Variants in FHOD3 observed in about 807,000 individuals in gnomAD.
FHOD3 encodes the protein FH1/FH2 domain-containing protein 3.
FHOD3 carries 90 observed loss-of-function variants against 173.0 expected under a neutral mutation model. That is an observed-to-expected ratio of 0.52 (90% confidence interval 0.44 to 0.62). FHOD3 has a LOEUF of 0.62. Among genes scored for constraint, FHOD3 ranks in the 20% least tolerant of loss-of-function variants. The pLI, the probability that FHOD3 is intolerant of heterozygous loss-of-function variation, is 0.00. For synonymous variants in FHOD3, 828 were observed against 823.0 expected, an observed-to-expected ratio of 1.01 and a Z score of -0.10; for missense variants, 1,945 against 2,034.7, an observed-to-expected ratio of 0.96 and a Z score of 0.85.
intron 3 of FHOD3, among the ~76,000 whole-genome samples, chr18:36,451,688 C>A (rs370407877): frequency 6.6e-6 from 1 of 152,206 alleles, no homozygotes. Context: ...CAGAGCCCTG[C>A]TCAAGGGCAA....
chr18:36,591,995 G>A (rs2059234385), intron 6 of FHOD3, among the ~76,000 whole-genome samples: 2 of 152,242 alleles, frequency 1.3e-5, no homozygotes, highest in South Asian at 2.1e-4. Flanking sequence ...GAGGCAGGCA[G>A]ATCACCTGAA....
At chr18:36,695,687 A>C (rs923836609) in intron 17 of FHOD3, among the ~76,000 whole-genome samples, 1 of 152,230 alleles carries the variant, frequency 6.6e-6, no homozygotes, top group Non-Finnish European at 1.5e-5. Context: ...TCGCAAGTGT[A>C]TGAAAAGATG....
At chr18:36,503,579 G>A (rs1010340984) in intron 4 of FHOD3, among the ~76,000 whole-genome samples, 1 of 152,238 alleles carries the variant, frequency 6.6e-6, no homozygotes, top group South Asian at 2.1e-4. Context: ...TTTGAACCTG[G>A]TGCACCCTTG....
At chr18:36,353,922 G>C (rs1200077898) in intron 1 of FHOD3, among the ~76,000 whole-genome samples, 1 of 143,710 alleles carries the variant, frequency 7.0e-6, no homozygotes. Flanking sequence ...TTTTTTCTAG[G>C]TTTCAAGGTC....
intron 5 of FHOD3, among the ~76,000 whole-genome samples, chr18:36,549,010 A>G (rs2057529865): frequency 6.6e-6 from 1 of 152,228 alleles, no homozygotes; most frequent in Non-Finnish European, 1.5e-5. Context: ...AACAACTTCC[A>G]AAGGAGTTGT....
chr18:36,644,689 G>A (rs1418104816), intron 10 of FHOD3, among the ~76,000 whole-genome samples: 2 of 152,258 alleles, frequency 1.3e-5, no homozygotes, highest in African/African-American at 4.8e-5. Flanking sequence ...CTGTGAGACA[G>A]CCATTTGGAA....
chr18:36,446,699 C>G (rs546975343), intron 3 of FHOD3, among the ~76,000 whole-genome samples: 1 of 152,300 alleles, frequency 6.6e-6, no homozygotes, highest in South Asian at 2.1e-4. Flanking sequence ...CATACGCAAA[C>G]TTGGCTCGTG....
At chr18:36,539,616 C>T (rs1310105322) in intron 5 of FHOD3, among the ~76,000 whole-genome samples, 2 of 152,094 alleles carry the variant, frequency 1.3e-5, no homozygotes, top group Non-Finnish European at 2.9e-5. Context: ...GACCCAGGCT[C>T]TTGGCCAAGT....
intron 3 of FHOD3, among the ~76,000 whole-genome samples, chr18:36,476,932 AC>A (rs1406227083): frequency 6.6e-6 from 1 of 152,328 alleles, no homozygotes; most frequent in Admixed American, 6.5e-5. Flanking sequence ...AAAAGTACTA[AC>A]CATGAATTGA....
At chr18:36,405,454 C>G (rs2049011122) in intron 3 of FHOD3, among the ~76,000 whole-genome samples, 1 of 152,186 alleles carries the variant, frequency 6.6e-6, no homozygotes, top group Non-Finnish European at 1.5e-5. Context: ...AAGTGTCAGG[C>G]TCGTATGAGC....
At chr18:36,662,187 A>G (rs977771091) in intron 14 of FHOD3, among the ~76,000 whole-genome samples, 1 of 152,222 alleles carries the variant, frequency 6.6e-6, no homozygotes, top group African/African-American at 2.4e-5. Context: ...CTGTAGTGAC[A>G]TCTCCATCTT....
At chr18:36,439,026 T>C (rs2050974605) in intron 3 of FHOD3, among the ~76,000 whole-genome samples, 1 of 152,204 alleles carries the variant, frequency 6.6e-6, no homozygotes, top group African/African-American at 2.4e-5. Context: ...ATTAATCTAC[T>C]AGCATCTCAT....
intron 10 of FHOD3, among the ~76,000 whole-genome samples, chr18:36,631,689 A>G (rs2034525541): frequency 6.6e-6 from 1 of 152,316 alleles, no homozygotes; most frequent in Non-Finnish European, 1.5e-5. Context: ...ACCTTGCCCA[A>G]GGTCCCACAG....
At chr18:36,674,221 T>C (rs908116177) in intron 14 of FHOD3, among the ~76,000 whole-genome samples, 7 of 152,176 alleles carry the variant, frequency 4.6e-5, no homozygotes, top group African/African-American at 1.7e-4. Context: ...TTCACCTGAC[T>C]TACGATGCAC....
chr18:36,514,416 T>G (rs1451881140), intron 5 of FHOD3, among the ~76,000 whole-genome samples: 1 of 152,170 alleles, frequency 6.6e-6, no homozygotes, highest in Non-Finnish European at 1.5e-5. Flanking sequence ...GGATTCTCAC[T>G]CTTGTGTGTC....
rs976617415 is a variant in FHOD3, at chr18:36,429,438, G to A, written c.337+56694G>A. ...TGGAAGGCTCCAGGTACGGGTGGGG[G>A]CATGTGGGACTTTAGTTCTTATGGA... On this transcript the variant is annotated intron_variant, in intron 3 of 28. Transcript: ENST00000590592. Among the ~76,000 whole-genome samples, 3 of 152,172 alleles carry A rather than the reference G, an allele frequency of 2.0e-5. No individual in the cohort carries two copies. The South Asian group carries it at 6.2e-4, about 32-fold the overall frequency.
intron 14 of FHOD3, among the ~76,000 whole-genome samples, chr18:36,669,352 A>G (rs2037385772): frequency 6.6e-6 from 1 of 151,862 alleles, no homozygotes; most frequent in African/African-American, 2.4e-5. Context: ...CTTGTAGGCA[A>G]TATAGTGTTG....
chr18:36,539,610 C>A (rs914887977), intron 5 of FHOD3, among the ~76,000 whole-genome samples: 7 of 152,300 alleles, frequency 4.6e-5, no homozygotes, highest in African/African-American at 1.4e-4. Context: ...ATGGCAGACC[C>A]AGGCTCTTGG....
chr18:36,648,450 T>A (rs1248680455), intron 10 of FHOD3, among the ~76,000 whole-genome samples: 5 of 152,270 alleles, frequency 3.3e-5, no homozygotes, highest in Non-Finnish European at 7.4e-5. Flanking sequence ...TTTTAGTCTG[T>A]ACTTAGCTGC....
Sources: allele counts gnomAD v4.1 joint callset (sites outside exome capture counted in the v4.1 genomes callset), GRCh38; gene constraint gnomAD v4.1.1; transcripts MANE v1.5; gene names NCBI Gene and HGNC (gene_info 2026-07-23, HGNC 2026-07-21).